Variants in CDH18 observed in about 807,000 individuals in gnomAD.
CDH18 encodes cadherin 18.
Under a neutral mutation model 67.9 loss-of-function variants are expected in CDH18, and 31 were observed. The observed-to-expected ratio is 0.46, with a 90% CI of 0.34 to 0.62. The LOEUF (loss-of-function observed/expected upper bound fraction) is 0.62. Among genes scored for constraint, CDH18 ranks in the 20% least tolerant of loss-of-function variants. The probability of loss-of-function intolerance (pLI) is 0.01; values close to 1 mark genes in which losing one functional copy is unlikely to be tolerated. For missense variants in CDH18, 890 were observed against 975.5 expected, an observed-to-expected ratio of 0.91 and a Z score of 1.17; for synonymous variants, 362 against 347.2, an observed-to-expected ratio of 1.04 and a Z score of -0.48.
intron 1 of CDH18, among the ~76,000 whole-genome samples, chr5:20,418,118 G>C (rs981246240): frequency 6.6e-6 from 1 of 151,390 alleles, no homozygotes; most frequent in South Asian, 2.1e-4. Flanking sequence ...GTTGTCGGCC[G>C]GGGCTGGAGT....
At chr5:20,500,781 A>C (rs1296059529) in intron 1 of CDH18, among the ~76,000 whole-genome samples, 3 of 152,212 alleles carry the variant, frequency 2.0e-5, no homozygotes. Context: ...TGAAGTGTTG[A>C]CATATAATTC....
At chr5:19,539,884 C>CAA (rs1028694902) in intron 9 of CDH18, among the ~76,000 whole-genome samples, 7 of 152,060 alleles carry the variant, frequency 4.6e-5, no homozygotes, top group Admixed American at 3.3e-4. Context: ...GACACACAGC[C>CAA]AAACCATATT....
At chr5:20,509,033 C>G (rs1754848445) in intron 1 of CDH18, among the ~76,000 whole-genome samples, 1 of 152,096 alleles carries the variant, frequency 6.6e-6, no homozygotes, top group Non-Finnish European at 1.5e-5. Flanking sequence ...ATATACTGTG[C>G]AATGACTAAA....
chr5:20,430,152 G>A (rs1382515638), intron 1 of CDH18, among the ~76,000 whole-genome samples: 2 of 152,100 alleles, frequency 1.3e-5, no homozygotes, highest in Non-Finnish European at 2.9e-5. Flanking sequence ...CATTGGTTTT[G>A]AAATAAGAAC....
intron 2 of CDH18, among the ~76,000 whole-genome samples, chr5:20,148,545 A>G (rs1327001936): frequency 6.6e-6 from 1 of 152,194 alleles, no homozygotes; most frequent in Non-Finnish European, 1.5e-5. Context: ...AAGTGAACTG[A>G]GATTGGATTC....
Position 19,516,871 on chromosome 5 carries a change from C to T in CDH18, c.1512+3786G>A, listed in dbSNP as rs141468658. ...TATGAATTCACCACAATTTGCTTAA[C>T]CATTCACCTATTGAAGGATGTCTTT... On this transcript the variant is annotated intron_variant, in intron 10 of 12. Coordinates refer to ENST00000382275, the MANE Select transcript of CDH18 (RefSeq NM_004934.5). Among the ~76,000 whole-genome samples the T allele has an allele frequency of 1.4e-3, 219 of 151,932 alleles. 1 individual carries two copies. Among genetic ancestry groups the T allele is most frequent in the African/African-American group, 5.0e-3 (207 of 41,484 alleles).
chr5:20,172,985 C>A (rs1270352082), intron 2 of CDH18, among the ~76,000 whole-genome samples: 1 of 89,238 alleles, frequency 1.1e-5, no homozygotes, highest in Non-Finnish European at 2.1e-5. Flanking sequence ...AGTGAAACTC[C>A]GTCTCAAAAA....
At chr5:20,472,639 A>G (rs184890737) in intron 1 of CDH18, among the ~76,000 whole-genome samples, 95 of 152,366 alleles carry the variant, frequency 6.2e-4, no homozygotes, top group African/African-American at 2.0e-3. Context: ...TGGCAGTTAT[A>G]TACCACATCT....
At position 20,114,039 on chromosome 5, in the gene CDH18, T is replaced by C. The variant is rs1315677102; in HGVS notation, c.-517-122025A>G. Among the ~76,000 whole-genome samples the C allele has an allele frequency of 2.0e-5, 3 of 152,334 alleles. No homozygotes were observed. The East Asian group carries it at 5.8e-4, about 29-fold the overall frequency. Reference sequence around the variant, plus strand: ...GACTTAATTTTGTTTGCTGTTGTTTTGGGGGTTTTCCTGTTAATTGTTTTA... The same window carrying C: ...GACTTAATTTTGTTTGCTGTTGTTTCGGGGGTTTTCCTGTTAATTGTTTTA... On this transcript the variant is annotated intron_variant, in intron 2 of 14. Coordinates refer to the CDH18 transcript ENST00000507958.
intron 2 of CDH18, among the ~76,000 whole-genome samples, chr5:20,212,587 A>G (rs1679504158): frequency 6.6e-6 from 1 of 152,164 alleles, no homozygotes; most frequent in Admixed American, 6.5e-5. Flanking sequence ...CTCTCAGCAG[A>G]AACTGCAAGC....
intron 3 of CDH18, among the ~76,000 whole-genome samples, chr5:19,802,495 G>A (rs1220188296): frequency 6.6e-6 from 1 of 152,012 alleles, no homozygotes; most frequent in African/African-American, 2.4e-5. Context: ...ATATCTTGAT[G>A]GCATAACAGA....
chr5:19,712,716 G>C (rs1310470441), intron 5 of CDH18, among the ~76,000 whole-genome samples: 1 of 149,070 alleles, frequency 6.7e-6, no homozygotes, highest in East Asian at 2.0e-4. Context: ...ATATATAATA[G>C]GAAAATTATA....
intron 2 of CDH18, among the ~76,000 whole-genome samples, chr5:20,127,732 T>A (rs1748948719): frequency 1.3e-5 from 2 of 152,130 alleles, no homozygotes. Flanking sequence ...AAAGTTTCAA[T>A]CATGCAAGAT....
chr5:20,539,499 G>C (rs776277453), intron 1 of CDH18, among the ~76,000 whole-genome samples: 1 of 151,938 alleles, frequency 6.6e-6, no homozygotes, highest in Non-Finnish European at 1.5e-5. Flanking sequence ...AAGACCGTAC[G>C]CAATATATTT....
At chr5:20,068,007 C>A (rs1204235222) in intron 2 of CDH18, among the ~76,000 whole-genome samples, 1 of 152,000 alleles carries the variant, frequency 6.6e-6, no homozygotes, top group Non-Finnish European at 1.5e-5. Context: ...TTGTCCCTTT[C>A]CTTTTGTTTA....
intron 3 of CDH18, among the ~76,000 whole-genome samples, chr5:19,817,495 GA>G (rs1214560901): frequency 6.6e-6 from 1 of 152,028 alleles, no homozygotes; most frequent in Non-Finnish European, 1.5e-5. Flanking sequence ...AATAATGGGA[GA>G]GGGGTGAGTA....
intron 1 of CDH18, among the ~76,000 whole-genome samples, chr5:20,401,513 C>T (rs1745770334): frequency 6.6e-6 from 1 of 152,150 alleles, no homozygotes; most frequent in South Asian, 2.1e-4. Flanking sequence ...AACATGGTTT[C>T]TGAATCTTTA....
At chr5:20,436,957 G>A (rs1749214235) in intron 1 of CDH18, among the ~76,000 whole-genome samples, 1 of 151,488 alleles carries the variant, frequency 6.6e-6, no homozygotes, top group Admixed American at 6.6e-5. Context: ...CAATGATGAT[G>A]ATTTAAATAA....
chr5:20,506,912 T>TGAAG (rs1437804278), intron 1 of CDH18, among the ~76,000 whole-genome samples: 1 of 152,192 alleles, frequency 6.6e-6, no homozygotes, highest in Non-Finnish European at 1.5e-5. Flanking sequence ...AGTAATAGCA[T>TGAAG]GTCACTGAAC....
Sources: gnomAD v4.1 joint callset for allele counts (sites outside exome capture counted in the v4.1 genomes callset) on GRCh38, gnomAD v4.1.1 for gene constraint, MANE v1.5 for transcripts, NCBI Gene and HGNC (gene_info 2026-07-23, HGNC 2026-07-21) for gene names.